GSK3B: variants seen among roughly 807,000 people sequenced by gnomAD.
GSK3B encodes the protein glycogen synthase kinase 3 beta.
A neutral mutation model predicts 56.4 loss-of-function variants in GSK3B; 15 were observed. That is an observed-to-expected ratio of 0.27 (90% CI 0.18 to 0.41). The LOEUF (loss-of-function observed/expected upper bound fraction) is 0.41. Among genes scored for constraint, GSK3B ranks in the 10% least tolerant of loss-of-function variants. GSK3B has a pLI of 1.00. For missense variants in GSK3B, 300 were observed against 513.4 expected, an observed-to-expected ratio of 0.58 and a Z score of 4.02; for synonymous variants, 181 against 188.9, an observed-to-expected ratio of 0.96 and a Z score of 0.34.
At chr3:120,015,167 G>T (rs2057812801) in intron 1 of GSK3B, among the ~76,000 whole-genome samples, 1 of 152,144 alleles carries the variant, frequency 6.6e-6, no homozygotes, top group Non-Finnish European at 1.5e-5. Context: ...TTAAATGCAT[G>T]CCACTTAGTG....
rs2055510343 is a variant in GSK3B, at chr3:119,826,562, C to CCCA, written c.*223_*225dup. The CCCA allele has an allele frequency of 1.8e-5, 9 of 511,254 alleles. No homozygotes were observed. Among genetic ancestry groups the CCCA allele is most frequent in the South Asian group, 1.6e-4 (9 of 57,824 alleles). 31.7% of individuals were successfully genotyped at this position (511,254 alleles called of 1,614,324 possible). On this transcript the variant is annotated 3_prime_UTR_variant, in exon 11 of 11. Coordinates refer to ENST00000264235, the MANE Select transcript of GSK3B (RefSeq NM_001146156.2). ...CGCTTTCCCCCTCCCCACAACCCCT[C>CCCA]CCACCCCCTGGATCTCCCTCAAAGT...
chr3:119,954,307 A>AGAAT (rs1559851422), intron 2 of GSK3B, among the ~76,000 whole-genome samples: 81 of 121,718 alleles, frequency 6.7e-4, no homozygotes, highest in East Asian at 3.8e-3. Context: ...TAGAATAGAA[A>AGAAT]AGAAACAGAA....
At chr3:120,074,898 G>A (rs2058356653) in intron 1 of GSK3B, among the ~76,000 whole-genome samples, 1 of 152,014 alleles carries the variant, frequency 6.6e-6, no homozygotes, top group African/African-American at 2.4e-5. Flanking sequence ...ATTTGATAAG[G>A]CCAGCATCAC....
intron 2 of GSK3B, among the ~76,000 whole-genome samples, chr3:119,975,120 T>G (rs1470707336): frequency 6.6e-6 from 1 of 152,162 alleles, no homozygotes; most frequent in Non-Finnish European, 1.5e-5. Flanking sequence ...TTGTGATATA[T>G]CCATAAATAA....
intron 7 of GSK3B, among the ~76,000 whole-genome samples, chr3:119,885,755 G>GC (rs1282085826): frequency 4.0e-5 from 6 of 151,592 alleles, no homozygotes; most frequent in African/African-American, 1.5e-4. Flanking sequence ...GCCACACACA[G>GC]CCATCTGATC....
At chr3:120,011,903 C>T (rs1030288737) in intron 1 of GSK3B, among the ~76,000 whole-genome samples, 3 of 152,274 alleles carry the variant, frequency 2.0e-5, no homozygotes, top group African/African-American at 4.8e-5. Context: ...CAGAACTCAT[C>T]GCATGCCTCG....
chr3:119,945,121 T>C (rs1033665426), intron 3 of GSK3B, among the ~76,000 whole-genome samples: 1 of 152,132 alleles, frequency 6.6e-6, no homozygotes, highest in African/African-American at 2.4e-5. Context: ...AAAAAGAAAT[T>C]CTCTCTTTGG....
At chr3:119,899,657 T>A (rs1260499353) in intron 7 of GSK3B, among the ~76,000 whole-genome samples, 1 of 152,134 alleles carries the variant, frequency 6.6e-6, no homozygotes, top group Non-Finnish European at 1.5e-5. Flanking sequence ...AAAATGTAAC[T>A]CTCAACTTCT....
chr3:120,048,343 G>A (rs1236950153), intron 1 of GSK3B, among the ~76,000 whole-genome samples: 1 of 152,098 alleles, frequency 6.6e-6, no homozygotes, highest in Non-Finnish European at 1.5e-5. Context: ...TTCTCTTAGA[G>A]GGGAACAAAA....
At chr3:119,834,852 G>A (rs1416878210) in intron 10 of GSK3B, among the ~76,000 whole-genome samples, 1 of 152,152 alleles carries the variant, frequency 6.6e-6, no homozygotes, top group Non-Finnish European at 1.5e-5. Flanking sequence ...GAGAGAACAT[G>A]TTTTGCACAG....
intron 2 of GSK3B, among the ~76,000 whole-genome samples, chr3:119,968,852 A>C (rs1389103519): frequency 2.6e-5 from 4 of 152,256 alleles, no homozygotes; most frequent in Non-Finnish European, 5.9e-5. Flanking sequence ...ATAAGCAATT[A>C]TAGTAAAGTT....
intron 2 of GSK3B, among the ~76,000 whole-genome samples, chr3:119,996,001 GT>G (rs2107473673): frequency 6.6e-6 from 1 of 152,316 alleles, no homozygotes; most frequent in East Asian, 1.9e-4. Context: ...GCCTCCTGAA[GT>G]GCTGGGATTA....
chr3:119,857,230 A>G (rs1373762444), intron 9 of GSK3B, among the ~76,000 whole-genome samples: 1 of 152,142 alleles, frequency 6.6e-6, no homozygotes, highest in Non-Finnish European at 1.5e-5. Flanking sequence ...AAACAAAACA[A>G]CCATGAAGTT....
intron 1 of GSK3B, among the ~76,000 whole-genome samples, chr3:120,035,680 T>C (rs1169936651): frequency 6.6e-6 from 1 of 152,234 alleles, no homozygotes; most frequent in Non-Finnish European, 1.5e-5. Context: ...AATTTCCATA[T>C]TATACGTTTT....
intron 2 of GSK3B, among the ~76,000 whole-genome samples, chr3:119,997,794 T>C (rs2057637556): frequency 6.6e-6 from 1 of 152,180 alleles, no homozygotes; most frequent in Admixed American, 6.5e-5. Flanking sequence ...CCAATGTATA[T>C]ATGGTAACAT....
intron 10 of GSK3B, among the ~76,000 whole-genome samples, chr3:119,828,840 T>A (rs973428511): frequency 6.6e-6 from 1 of 152,238 alleles, no homozygotes; most frequent in Non-Finnish European, 1.5e-5. Context: ...TAGGTTTAAT[T>A]CATTTAATTT....
At chr3:119,985,509 C>T (rs1264004430) in intron 2 of GSK3B, among the ~76,000 whole-genome samples, 1 of 152,092 alleles carries the variant, frequency 6.6e-6, no homozygotes, top group East Asian at 1.9e-4. Context: ...AATCAACGTG[C>T]AAAAATCACA....
Position 119,850,944 on chromosome 3 carries a change from T to C in GSK3B, c.1097-7591A>G, listed in dbSNP as rs554606302. Among the ~76,000 whole-genome samples the C allele has an allele frequency of 2.8e-4, 43 of 152,220 alleles. No individual in the cohort carries two copies. The South Asian group carries it at 7.5e-3, about 26-fold the overall frequency. On this transcript the variant is annotated intron_variant, in intron 9 of 10. Transcript: ENST00000264235. ...AATGAAAAATAGGAAGGATAAAAGA[T>C]AGACTGTGTTACCTAGAGACATGGT... is the stretch of plus-strand genomic sequence containing the variant.
intron 10 of GSK3B, among the ~76,000 whole-genome samples, chr3:119,827,869 C>CA (rs35889690): frequency 0.43 from 61,121 of 141,614 alleles, 14,481 homozygotes; most frequent in African/African-American, 0.68. Flanking sequence ...TTAATGGGTA[C>CA]AAAAAAAAAA....
Sources: gnomAD v4.1 joint callset for allele counts (sites outside exome capture counted in the v4.1 genomes callset) on GRCh38, gnomAD v4.1.1 for gene constraint, MANE v1.5 for transcripts, NCBI Gene and HGNC (gene_info 2026-07-23, HGNC 2026-07-21) for gene names.